PCNX2: variants seen among roughly 807,000 people sequenced by gnomAD.
PCNX2 encodes the protein pecanex 2, also known as pecanex-like protein 2.
PCNX2 carries 168 observed loss-of-function variants against 223.8 expected under a neutral mutation model. The ratio of observed to expected loss-of-function variants is 0.75; its 90% CI spans 0.66 to 0.85. The LOEUF is 0.85. PCNX2 is among the 40% of genes least tolerant of loss of function. The pLI, the probability that PCNX2 is intolerant of heterozygous loss-of-function variation, is 0.00. For synonymous variants in PCNX2, 1,006 were observed against 1,052.6 expected (o/e 0.96, Z 0.86); for missense variants, 2,507 against 2,675.5 (o/e 0.94, Z 1.39).
chr1:233,192,328 T>A (rs995391617), intron 15 of PCNX2, among the ~76,000 whole-genome samples: 1 of 152,134 alleles, frequency 6.6e-6, no homozygotes, highest in African/African-American at 2.4e-5. Flanking sequence ...AATGGGAAGG[T>A]CAGCCCAGTG....
intron 1 of PCNX2, among the ~76,000 whole-genome samples, chr1:233,275,913 C>T (rs190241000): frequency 6.6e-6 from 1 of 151,890 alleles, no homozygotes; most frequent in African/African-American, 2.4e-5. Context: ...GCCTGTAATC[C>T]CAGCTAATCA....
At chr1:233,015,379 C>T (rs904271498) in intron 27 of PCNX2, among the ~76,000 whole-genome samples, 1 of 152,108 alleles carries the variant, frequency 6.6e-6, no homozygotes. Flanking sequence ...ATAGCAAAAC[C>T]CCATCTCCAT....
chr1:233,158,360 T>C (rs966746666), intron 19 of PCNX2, among the ~76,000 whole-genome samples: 8 of 152,096 alleles, frequency 5.3e-5, no homozygotes, highest in South Asian at 2.2e-4. Flanking sequence ...AACAGGGGCA[T>C]AGGCATAGTT....
Position 233,262,131 on chromosome 1 carries a change from C to T in PCNX2, c.394G>A (p.Glu132Lys). ...NRQIHNGKKE[E>K]ASRNLSTPPL... ...GGCGTGGAGAGGTTTCGACTGGCCTCTTCCTTTTTGCCATTGTGAATCTGC... is the reference window on the plus strand; with the variant it reads ...GGCGTGGAGAGGTTTCGACTGGCCTTTTCCTTTTTGCCATTGTGAATCTGC... The change falls in exon 3 of 34, where the codon GAG becomes AAG. Residue 132 changes from glutamate to lysine, a missense_variant. By Grantham distance (56) the Glu-to-Lys change is moderately conservative (BLOSUM62 1). This residue lies in a region of PCNX2 where 1,031 missense variants were observed against 1,021.7 expected (regional missense o/e 1.01). Coordinates refer to ENST00000258229, the MANE Select transcript of PCNX2 (RefSeq NM_014801.4). 1 of 1,613,802 alleles carries T rather than the reference C, an allele frequency of 6.2e-7. No individual in the cohort carries two copies. Among genetic ancestry groups the T allele is most frequent in the Non-Finnish European group, 8.5e-7 (1 of 1,179,778 alleles).
At chr1:233,305,564 A>G in the PCNX2 span, among the ~76,000 whole-genome samples, 5 of 151,796 alleles carry the variant, frequency 3.3e-5, no homozygotes, top group Non-Finnish European at 5.9e-5. Flanking sequence ...CCCCCACTCA[A>G]CCTCCCAAAT....
Position 233,200,168 on chromosome 1 carries a change from A to G in PCNX2, c.2960T>C (p.Phe987Ser). 1 of 1,584,490 alleles carries G rather than the reference A, an allele frequency of 6.3e-7. No individual in the cohort carries two copies. ...AAACGACTTACCAGAACCACCAAAA[A>G]ACAGCATGTCAATTTGCTCCAAAAG... Reference protein sequence around the residue: ...TYLLEQIDMLFFGGSAVSGIT... With the variant: ...TYLLEQIDMLSFGGSAVSGIT... The change falls in exon 14 of 34, where the codon TTT becomes TCT. Residue 987 changes from phenylalanine (F) to serine (S), a missense_variant. By Grantham distance (155) the Phe-to-Ser change is radical. This residue lies in a region of PCNX2 where 1,372 missense variants were observed against 1,509.4 expected (regional missense o/e 0.91). Coordinates refer to ENST00000258229, the MANE Select transcript of PCNX2 (RefSeq NM_014801.4).
In PCNX2 at chr1:232,985,896, G is replaced by C. The variant is rs921909422; in HGVS notation, c.6240+196C>G. The C allele has an allele frequency of 2.3e-5, 15 of 658,892 alleles. No individual in the cohort carries two copies. The South Asian group carries it at 2.8e-4, about 12-fold the overall frequency. The allele number at this position is 658,892 out of a possible 1,614,324, so 40.8% of individuals were successfully genotyped here. ...TTATCGTTTACAGGATATCTGCTCT[G>C]TATCTTGTCTGCTTTCAAGAGCAGC... On this transcript the variant is annotated intron_variant, in intron 33 of 33. Transcript: ENST00000258229.
intron 28 of PCNX2, among the ~76,000 whole-genome samples, chr1:233,004,026 A>T (rs1295065122): frequency 2.6e-5 from 4 of 152,152 alleles, no homozygotes; most frequent in Non-Finnish European, 5.9e-5. Context: ...TAGAGGAGGG[A>T]TAGCATTAGG....
chr1:233,011,548 C>T (rs1346265526), intron 28 of PCNX2, among the ~76,000 whole-genome samples: 1 of 152,172 alleles, frequency 6.6e-6, no homozygotes, highest in Non-Finnish European at 1.5e-5. Context: ...GCAGACTAGC[C>T]TTGCTGGGTT....
At chr1:233,323,286 G>GT in the PCNX2 span, among the ~76,000 whole-genome samples, 3 of 152,088 alleles carry the variant, frequency 2.0e-5, no homozygotes, top group South Asian at 2.1e-4. Context: ...AAGTGTTAAT[G>GT]TTTTTTTGTG....
rs1299262171 is a variant in PCNX2 at position 233,258,419 on chromosome 1, A to G, written c.1443T>C (p.Asp481=). The change falls in exon 5 of 34, where the codon GAT becomes GAC. Residue 481 remains aspartate (D), a synonymous_variant. Transcript: ENST00000258229. The part of the protein sequence containing the change: ...GSGEGGNAIK[D]HSSSSREPWE... The stretch of plus-strand genomic sequence containing the variant: ...AGGGTTCCCGTGATGAAGAACTGTG[A>G]TCCTTGATGGCATTTCCCCCCTCCC... 1 of 1,613,870 alleles carries G rather than the reference A, an allele frequency of 6.2e-7. No individual in the cohort carries two copies. Among genetic ancestry groups the G allele is most frequent in the Admixed American group, 1.7e-5 (1 of 60,016 alleles).
chr1:233,032,014 T>C, intron 25 of PCNX2: 1 of 984,482 alleles, frequency 1.0e-6, no homozygotes, highest in Non-Finnish European at 1.2e-6. Context: ...CAGTGACACA[T>C]TAACACTGGC....
intron 25 of PCNX2, among the ~76,000 whole-genome samples, chr1:233,034,984 A>T (rs1671401120): frequency 6.6e-6 from 1 of 152,230 alleles, no homozygotes; most frequent in South Asian, 2.1e-4. Context: ...TAAGGGGAAC[A>T]GACCAGCGAT....
rs779871987 is a variant in PCNX2 at position 233,252,317 on chromosome 1, C to T, written c.2128+37G>A. 8.3e-6 allele frequency: 13 copies of T among 1,571,690 alleles called. No individual in the cohort carries two copies. In the African/African-American group the frequency reaches 1.6e-4, roughly 20 times the overall value. The stretch of plus-strand genomic sequence containing the variant: ...AGTCCTGAGAAAGCTGACAGTTTTC[C>T]CTGCTTGTTCATTAGTAAAGAGCTC... On this transcript the variant is annotated intron_variant, in intron 7 of 33. Transcript: ENST00000258229.
intron 12 of PCNX2, among the ~76,000 whole-genome samples, chr1:233,215,875 C>T (rs534355869): frequency 2.6e-5 from 4 of 152,248 alleles, no homozygotes; most frequent in African/African-American, 7.2e-5. Flanking sequence ...CATTCAGACT[C>T]TAGGATAAAA....
At chr1:233,226,945 T>C (rs1409841216) in intron 10 of PCNX2, among the ~76,000 whole-genome samples, 2 of 152,208 alleles carry the variant, frequency 1.3e-5, no homozygotes, top group Non-Finnish European at 2.9e-5. Flanking sequence ...AACCATTTCT[T>C]ATTTCTTATT....
At chr1:233,285,021 CCT>C (rs1367897888) in intron 1 of PCNX2, 9 of 985,044 alleles carry the variant, frequency 9.1e-6, no homozygotes, top group South Asian at 9.4e-5. Flanking sequence ...TAACCATACC[CCT>C]GACATCCCAA....
chr1:233,172,264 A>C (rs77753693), intron 17 of PCNX2: 44,207 of 812,022 alleles, frequency 0.054, 1,685 homozygotes, highest in East Asian at 0.31. Context: ...TTTCCCTAAA[A>C]AAACTGGTTT....
chr1:233,019,836 G>A (rs930835806), intron 26 of PCNX2, among the ~76,000 whole-genome samples: 19 of 152,234 alleles, frequency 1.2e-4, no homozygotes, highest in East Asian at 3.9e-4. Context: ...TCTCCTTGCC[G>A]GCTGGATCAT....
Sources: gnomAD v4.1 joint callset for allele counts (sites outside exome capture counted in the v4.1 genomes callset) on GRCh38, gnomAD v4.1.1 for gene constraint, gnomAD v4.1.1 regional missense constraint, MANE v1.5 for transcripts, NCBI Gene and HGNC (gene_info 2026-07-23, HGNC 2026-07-21) for gene names.